CCDC40: variants seen among roughly 807,000 people sequenced by gnomAD.
The protein encoded by CCDC40 is coiled-coil domain-containing protein 40.
A neutral mutation model predicts 124.5 loss-of-function variants in CCDC40; 104 were observed. The ratio of observed to expected loss-of-function variants is 0.84; its 90% CI spans 0.71 to 0.98. The LOEUF (loss-of-function observed/expected upper bound fraction) is 0.98. Among genes scored for constraint, CCDC40 ranks in the 50% least tolerant of loss-of-function variants. CCDC40 has a pLI of 0.00. For missense variants in CCDC40, 1,463 were observed against 1,503.9 expected (o/e 0.97, Z 0.45); for synonymous variants, 580 against 602.9 (o/e 0.96, Z 0.56).
chr17:80,065,998 T>G (rs1203236328), intron 10 of CCDC40: 1 of 662,576 alleles, frequency 1.5e-6, no homozygotes, highest in Admixed American at 2.4e-5. Flanking sequence ...ACCGAAATCC[T>G]ATTTTAATCT....
At chr17:80,055,126 C>G (rs776956026) in intron 7 of CCDC40, among the ~76,000 whole-genome samples, 1 of 151,730 alleles carries the variant, frequency 6.6e-6, no homozygotes, top group Non-Finnish European at 1.5e-5. Flanking sequence ...CAGAAACTAA[C>G]AAGAAAATGT....
chr17:80,098,802 G>C (rs1358061835), intron 19 of CCDC40: 8 of 152,016 alleles, frequency 5.3e-5, no homozygotes, highest in African/African-American at 1.7e-4. Flanking sequence ...AGCCAGGCAT[G>C]GTGGCGGGCG....
At chr17:80,090,788 A>G (rs2038709524) in intron 17 of CCDC40, 1 of 1,280,166 alleles carries the variant, frequency 7.8e-7, no homozygotes, top group South Asian at 2.0e-5. Flanking sequence ...AGTTCATAAA[A>G]TAAATGGGCC....
In CCDC40 at chr17:80,048,372, C is replaced by T. The variant is rs558126965; in HGVS notation, c.677-211C>T. The T allele has an allele frequency of 1.7e-4, 105 of 613,036 alleles. 1 individual carries two copies. The highest frequency in any genetic ancestry group is 2.7e-4 in the Non-Finnish European group (93 of 339,500). 38.0% of individuals were successfully genotyped at this position (613,036 alleles called of 1,614,324 possible). Reference sequence around the variant, plus strand: ...ATTTCCTTCCTGCCTACCTTTAAAACGGGACGCTTTCTCTGGGATGCATTG... The same window carrying T: ...ATTTCCTTCCTGCCTACCTTTAAAATGGGACGCTTTCTCTGGGATGCATTG... On this transcript the variant is annotated intron_variant, in intron 4 of 19. Transcript: ENST00000397545.
Position 80,059,302 on chromosome 17 carries a change from C to A in CCDC40, c.1440+322C>A, listed in dbSNP as rs1349585952. ...GTTCCTTAGCCTGCAGGGACCTCTT[C>A]CGGGGAGGACTGAAGTCTTTCTAAC... On this transcript the variant is annotated intron_variant, in intron 9 of 19. Coordinates refer to ENST00000397545, the MANE Select transcript of CCDC40 (RefSeq NM_017950.4). Among the ~76,000 whole-genome samples the A allele has an allele frequency of 5.3e-5, 8 of 152,232 alleles. No individual in the cohort carries two copies. In the South Asian group the frequency reaches 1.7e-3, roughly 32 times the overall value.
rs372935611 is a variant in CCDC40, at chr17:80,099,540, T to C, written c.3194T>C (p.Ile1065Thr). The C allele has an allele frequency of 4.3e-6, 7 of 1,610,088 alleles. No individual in the cohort carries two copies. Among genetic ancestry groups the C allele is most frequent in the Non-Finnish European group, 5.9e-6 (7 of 1,180,004 alleles). Residue 1065 changes from isoleucine (I) to threonine (T), a missense_variant, in exon 20 of 20, where the codon ATC becomes ACC. Transcript: ENST00000397545. ...TTTCCTACCCAGAACCTTTCAGAGA[T>C]CGTGGCCCTGCAGACACGCCTTAAG... ...GALKRQNLSE[I>T]VALQTRLKHL...
Position 80,071,615 on chromosome 17 carries a change from A to G in CCDC40, c.1562+6009A>G, listed in dbSNP as rs548378227. ...TTAAAGCAACAGGCAGGCAACAGAAACTGGGCTTTGAGTCCCACACAACCT... is the reference window on the plus strand; with the variant it reads ...TTAAAGCAACAGGCAGGCAACAGAAGCTGGGCTTTGAGTCCCACACAACCT... On this transcript the variant is annotated intron_variant, in intron 10 of 19. Coordinates refer to ENST00000397545, the MANE Select transcript of CCDC40 (RefSeq NM_017950.4). 2.0e-5 allele frequency among the ~76,000 whole-genome samples: 3 copies of G among 152,260 alleles called. No homozygotes were observed. In the South Asian group the frequency reaches 6.2e-4, roughly 32 times the overall value.
In CCDC40 at chr17:80,040,106, G is replaced by T; in HGVS notation, c.388G>T (p.Asp130Tyr). ...PQELPGEEAY[D>Y]SVSGEAGLQG... ...GGAACTGCCTGGAGAGGAGGCATAC[G>T]ATAGTGTTAGCGGGGAGGCTGGTCT... is the stretch of plus-strand genomic sequence containing the variant. The change falls in exon 3 of 20, where the codon GAT (aspartate) becomes TAT (tyrosine). Residue 130 changes from aspartate to tyrosine, a missense_variant. Coordinates refer to ENST00000397545, the MANE Select transcript of CCDC40 (RefSeq NM_017950.4). 6.2e-7 allele frequency: 1 copy of T among 1,614,164 alleles called. No homozygotes were observed. Among genetic ancestry groups the T allele is most frequent in the Non-Finnish European group, 8.5e-7 (1 of 1,180,022 alleles).
intron 7 of CCDC40, among the ~76,000 whole-genome samples, chr17:80,051,066 G>A (rs1009965254): frequency 1.3e-5 from 2 of 152,240 alleles, no homozygotes; most frequent in African/African-American, 4.8e-5. Context: ...ATAAAGCAAC[G>A]TCCTTGCACA....
chr17:80,082,153 T>A, intron 12 of CCDC40, 95 bp downstream of exon 12: 1 of 1,095,784 alleles, frequency 9.1e-7, no homozygotes, highest in Admixed American at 1.9e-5. Flanking sequence ...GCGGAGTCAG[T>A]GTGAGCAGAG....
Position 80,087,570 on chromosome 17 carries a change from C to T in CCDC40, c.2450-37C>T, listed in dbSNP as rs769749777. The T allele has an allele frequency of 6.3e-7, 1 of 1,599,836 alleles. No individual in the cohort carries two copies. The highest frequency in any genetic ancestry group is 8.6e-7 in the Non-Finnish European group (1 of 1,167,538). On this transcript the variant is annotated intron_variant, in intron 14 of 19. Coordinates refer to ENST00000397545, the MANE Select transcript of CCDC40 (RefSeq NM_017950.4). This position sits in a 1 kb window ranked among gnomAD's most constrained non-coding sequence, Gnocchi z 4.5. ...CCTGCGGGCGAGGACCCGTACCCTC[C>T]TGGGGTCTCTCCCTGAGTCTCTGTT...
Position 80,058,166 on chromosome 17 carries a change from A to G in CCDC40, c.1160-328A>G, listed in dbSNP as rs2037799792. Among the ~76,000 whole-genome samples the G allele has an allele frequency of 6.6e-6, 1 of 152,158 alleles. No individual in the cohort carries two copies. Among genetic ancestry groups the G allele is most frequent in the African/African-American group, 2.4e-5 (1 of 41,432 alleles). On this transcript the variant is annotated intron_variant, in intron 7 of 19. Transcript: ENST00000397545. This position sits in a 1 kb window ranked among gnomAD's most constrained non-coding sequence, Gnocchi z 4.2. ...TCAGTGGTAAGACATCTATGCAATC[A>G]ACCCGAAGCCTTACCACCTGGCACT...
intron 9 of CCDC40, among the ~76,000 whole-genome samples, chr17:80,064,782 C>A (rs1318115442): frequency 3.3e-5 from 5 of 151,968 alleles, no homozygotes; most frequent in Non-Finnish European, 7.4e-5. Context: ...ACCTGCCCAC[C>A]CCTGGCTGTC....
chr17:80,081,918 G>C lies in CCDC40; in HGVS notation c.1849G>C (p.Ala617Pro). 6.2e-7 allele frequency: 1 copy of C among 1,614,100 alleles called. No homozygotes were observed. The highest frequency in any genetic ancestry group is 8.5e-7 in the Non-Finnish European group (1 of 1,180,012). The stretch of plus-strand genomic sequence containing the variant: ...GGAGGAGTTGCAGGCCATCCGCCAA[G>C]CCATCCAGGGCGAGCTGGAGCTCAG... ...LTEELQAIRQ[A>P]IQGELELRRK... Residue 617 changes from alanine (A) to proline (P), a missense_variant, in exon 12 of 20, where the codon GCC becomes CCC. Ala to Pro is a conservative substitution (Grantham distance 27). Transcript: ENST00000397545.
At position 80,095,339 on chromosome 17, in the gene CCDC40, C is replaced by T; in HGVS notation, c.2909C>T (p.Thr970Ile). 1 of 1,614,108 alleles carries T rather than the reference C, an allele frequency of 6.2e-7. No individual in the cohort carries two copies. The highest frequency in any genetic ancestry group is 8.5e-7 in the Non-Finnish European group (1 of 1,180,036). The change falls in exon 18 of 20, where the codon ACC becomes ATC. Residue 970 changes from threonine to isoleucine, a missense_variant. Physicochemically the swap from Thr to Ile is moderately conservative, Grantham distance 89. Transcript: ENST00000397545. ...GAGTTGGCGGTTGCCCGCAGAGAGA[C>T]CGTCACCACCCAGGCCGAGGGGCAG... is the stretch of plus-strand genomic sequence containing the variant. The part of the protein sequence containing the change: ...AMELAVARRE[T>I]VTTQAEGQRK...
intron 3 of CCDC40, among the ~76,000 whole-genome samples, chr17:80,042,792 T>C (rs1446863453): frequency 1.3e-5 from 2 of 152,028 alleles, no homozygotes; most frequent in Admixed American, 6.6e-5. Flanking sequence ...TTGCTGTGGG[T>C]GTTGCAGATG....
At chr17:80,099,190 C>A (rs1265051637) in intron 19 of CCDC40, among the ~76,000 whole-genome samples, 2 of 151,828 alleles carry the variant, frequency 1.3e-5, no homozygotes, top group Non-Finnish European at 2.9e-5. Flanking sequence ...ACTCAGGAGG[C>A]TGAGACAGGA....
In CCDC40 at chr17:80,058,458, A is replaced by G. The variant is rs559974889; in HGVS notation, c.1160-36A>G. On this transcript the variant is annotated intron_variant, in intron 7 of 19. Coordinates refer to ENST00000397545, the MANE Select transcript of CCDC40 (RefSeq NM_017950.4). This position sits in a 1 kb window ranked among gnomAD's most constrained non-coding sequence, Gnocchi z 4.2. ...GGACGCTGGGACAGCCTCCCCACTCACTCTCTCTCTCTTTCTCCCCCGCCG... is the reference window on the plus strand; with the variant it reads ...GGACGCTGGGACAGCCTCCCCACTCGCTCTCTCTCTCTTTCTCCCCCGCCG... 246 of 1,591,242 alleles carry G rather than the reference A, an allele frequency of 1.5e-4. 7 individuals carry two copies. The South Asian group carries it at 2.6e-3, about 17-fold the overall frequency.
chr17:80,040,087 G>C lies in CCDC40; in HGVS notation c.369G>C (p.Leu123=), dbSNP rs1437695009. 1 of 1,614,022 alleles carries C rather than the reference G, an allele frequency of 6.2e-7. No individual in the cohort carries two copies. The highest frequency in any genetic ancestry group is 1.3e-5 in the African/African-American group (1 of 74,934). Residue 123 remains leucine (L), a synonymous_variant, in exon 3 of 20, where the codon CTG becomes CTC. Transcript: ENST00000397545. ...TYPYFSPPQE[L]PGEEAYDSVS... ...CGTATTTCAGTCCTCCTCAGGAACT[G>C]CCTGGAGAGGAGGCATACGATAGTG...
Sources: gnomAD v4.1 joint callset for allele counts (sites outside exome capture counted in the v4.1 genomes callset) on GRCh38, gnomAD v4.1.1 for gene constraint, Gnocchi (gnomAD v3.1) non-coding constraint, MANE v1.5 for transcripts, NCBI Gene and HGNC (gene_info 2026-07-23, HGNC 2026-07-21) for gene names.